The following KLB variants were observed in gnomAD, a reference collection of about 807,000 sequenced individuals.
KLB encodes the protein beta-klotho.
In KLB, 44 loss-of-function variants were observed where a neutral mutation model predicts 88.4. The ratio of observed to expected loss-of-function variants is 0.50; its 90% confidence interval spans 0.39 to 0.64. KLB has a LOEUF of 0.64. Among genes scored for constraint, KLB ranks in the 30% least tolerant of loss-of-function variants. The pLI is 0.00. For missense variants in KLB, 1,137 were observed against 1,304.8 expected, an observed-to-expected ratio of 0.87 and a Z score of 1.98; for synonymous variants, 548 against 513.4, an observed-to-expected ratio of 1.07 and a Z score of -0.91.
At chr4:39,422,758 A>G (rs891345861) in intron 1 of KLB, among the ~76,000 whole-genome samples, 1 of 141,514 alleles carries the variant, frequency 7.1e-6, no homozygotes, top group Non-Finnish European at 1.6e-5. Context: ...CTGTCCTTTC[A>G]GTCTAACTTT....
chr4:39,409,487 C>G (rs1205369671), intron 1 of KLB, among the ~76,000 whole-genome samples: 2 of 148,720 alleles, frequency 1.3e-5, no homozygotes, highest in South Asian at 2.3e-4. Flanking sequence ...AGAGGGGTTT[C>G]ACTATGTTGG....
At position 39,406,933 on chromosome 4, in the gene KLB, C is replaced by T. The variant is rs536203316; in HGVS notation, c.-17C>T. On this transcript the variant is annotated 5_prime_UTR_variant, in exon 1 of 5. Transcript: ENST00000257408. ...TTTACTGAAGCTTTGATAAGACAGTCCAGCAGTTGGTGGCAAATGAAGCCA... is the reference window on the plus strand; with the variant it reads ...TTTACTGAAGCTTTGATAAGACAGTTCAGCAGTTGGTGGCAAATGAAGCCA... The T allele has an allele frequency of 2.1e-5, 33 of 1,581,824 alleles. No homozygotes were observed. The highest frequency in any genetic ancestry group is 9.1e-5 in the South Asian group (8 of 87,438).
At chr4:39,434,990 A>G (rs1438947336) in intron 2 of KLB, among the ~76,000 whole-genome samples, 1 of 151,750 alleles carries the variant, frequency 6.6e-6, no homozygotes, top group African/African-American at 2.4e-5. Context: ...TATTTTTAGT[A>G]GAGACAGGGT....
intron 1 of KLB, among the ~76,000 whole-genome samples, chr4:39,423,257 G>C (rs1743128796): frequency 1.4e-5 from 2 of 145,662 alleles, no homozygotes; most frequent in Non-Finnish European, 3.0e-5. Context: ...GAAGCGCTGT[G>C]CTAGGCACTT....
intron 1 of KLB, among the ~76,000 whole-genome samples, chr4:39,426,784 C>T (rs755779282): frequency 2.0e-5 from 3 of 151,780 alleles, no homozygotes; most frequent in East Asian, 3.9e-4. Context: ...ACCTCCTGTG[C>T]TCAAGCAATC....
chr4:39,424,384 T>C (rs1381876584), intron 1 of KLB, among the ~76,000 whole-genome samples: 1 of 151,762 alleles, frequency 6.6e-6, no homozygotes, highest in African/African-American at 2.4e-5. Flanking sequence ...TAAATTACTA[T>C]AGCCTTAGAG....
At chr4:39,410,457 G>C (rs532541945) in intron 1 of KLB, among the ~76,000 whole-genome samples, 1 of 152,212 alleles carries the variant, frequency 6.6e-6, no homozygotes, top group East Asian at 1.9e-4. Context: ...TAAATCACTA[G>C]ACTAAATAAA....
At chr4:39,445,507 T>TTTC (rs1002292253) in intron 3 of KLB, among the ~76,000 whole-genome samples, 1 of 149,274 alleles carries the variant, frequency 6.7e-6, no homozygotes, top group African/African-American at 2.4e-5. Context: ...TTCTTTTCTT[T>TTTC]TTTTTTTTTT....
chr4:39,422,306 G>A (rs949496941), intron 1 of KLB, among the ~76,000 whole-genome samples: 10 of 152,102 alleles, frequency 6.6e-5, no homozygotes, highest in African/African-American at 2.4e-4. Flanking sequence ...GAGAGAGGGA[G>A]GTTCAGCTTC....
intron 1 of KLB, among the ~76,000 whole-genome samples, chr4:39,426,195 T>G (rs886781550): frequency 2.0e-5 from 3 of 149,088 alleles, no homozygotes; most frequent in African/African-American, 7.4e-5. Flanking sequence ...GATGTTGCAG[T>G]GAGCCGAGAT....
intron 1 of KLB, among the ~76,000 whole-genome samples, chr4:39,419,868 T>C (rs1001860472): frequency 3.1e-5 from 4 of 130,944 alleles, no homozygotes; most frequent in Non-Finnish European, 6.2e-5. Flanking sequence ...CGCTTGAACC[T>C]GGGAGGCGGA....
chr4:39,422,185 T>TAA (rs1470828736), intron 1 of KLB, among the ~76,000 whole-genome samples: 1 of 152,212 alleles, frequency 6.6e-6, no homozygotes, highest in Non-Finnish European at 1.5e-5. Flanking sequence ...CAAAGGCACA[T>TAA]AATTTAATTT....
At chr4:39,428,008 T>A (rs1426623050) in intron 1 of KLB, among the ~76,000 whole-genome samples, 1 of 152,230 alleles carries the variant, frequency 6.6e-6, no homozygotes, top group Non-Finnish European at 1.5e-5. Context: ...AGCACCTTTA[T>A]ATCATTCTCA....
At chr4:39,430,593 A>AT (rs373054180) in intron 1 of KLB, among the ~76,000 whole-genome samples, 1,527 of 87,674 alleles carry the variant, frequency 0.017, 76 homozygotes, top group African/African-American at 0.056. Context: ...CTGAGAGGAA[A>AT]TTTTTTTTTT....
chr4:39,437,793 G>A lies in KLB; in HGVS notation c.1403G>A (p.Trp468Ter). 6.2e-7 allele frequency: 1 copy of A among 1,614,072 alleles called. No homozygotes were observed. The highest frequency in any genetic ancestry group is 8.5e-7 in the Non-Finnish European group (1 of 1,179,984). The change falls in exon 3 of 5, where the codon TGG becomes TAG. Residue 468 changes from tryptophan (W) to a stop codon, truncating the protein, a stop_gained. Transcript: ENST00000257408. LOFTEE classifies it high-confidence loss of function. ...TAWSLLDGFE[W>*]QDAYTIRRGL... ...TGGTCTCTCCTGGATGGCTTTGAAT[G>A]GCAGGATGCTTACACCATCCGCCGA... is the stretch of plus-strand genomic sequence containing the variant.
intron 1 of KLB, among the ~76,000 whole-genome samples, chr4:39,419,122 C>T (rs1334815092): frequency 6.6e-6 from 1 of 151,332 alleles, no homozygotes; most frequent in Non-Finnish European, 1.5e-5. Context: ...AAAAAAAAAA[C>T]TTTTTCAACT....
rs1379769086 is a variant in KLB at position 39,447,248 on chromosome 4, A to T, written c.2522A>T (p.Tyr841Phe). The T allele has an allele frequency of 6.2e-7, 1 of 1,614,124 alleles. No individual in the cohort carries two copies. Among genetic ancestry groups the T allele is most frequent in the South Asian group, 1.1e-5 (1 of 91,082 alleles). The change falls in exon 4 of 5, where the codon TAC becomes TTC. Residue 841 changes from tyrosine to phenylalanine, a missense_variant. Tyr to Phe is a conservative substitution (Grantham distance 22). Coordinates refer to ENST00000257408, the MANE Select transcript of KLB (RefSeq NM_175737.4). ...VMHEQLAGSR[Y>F]DSDRDIQFLQ... The stretch of plus-strand genomic sequence containing the variant: ...CACGAGCAGCTGGCCGGCAGCCGCT[A>T]CGACTCGGACAGGGACATCCAGTTT...
At chr4:39,428,953 C>T (rs985714363) in intron 1 of KLB, among the ~76,000 whole-genome samples, 2 of 152,176 alleles carry the variant, frequency 1.3e-5, no homozygotes, top group Non-Finnish European at 2.9e-5. Context: ...GGTGATCCCA[C>T]CCACCTCCAC....
chr4:39,428,760 G>C (rs536478999), intron 1 of KLB, among the ~76,000 whole-genome samples: 1 of 152,140 alleles, frequency 6.6e-6, no homozygotes, highest in Non-Finnish European at 1.5e-5. Context: ...AGGCTGAAGC[G>C]CAGTGGCGTG....
Sources: allele counts gnomAD v4.1 joint callset (sites outside exome capture counted in the v4.1 genomes callset), GRCh38; gene constraint gnomAD v4.1.1; transcripts MANE v1.5; gene names NCBI Gene and HGNC (gene_info 2026-07-23, HGNC 2026-07-21).